Variants in NLGN1 observed in about 807,000 individuals in gnomAD.
NLGN1 encodes neuroligin 1.
NLGN1 carries 12 observed loss-of-function variants against 65.5 expected under a neutral mutation model. The observed-to-expected ratio is 0.18, with a 90% CI of 0.12 to 0.30. The LOEUF (loss-of-function observed/expected upper bound fraction) is 0.30, where lower values mean the gene tolerates loss of function less well. NLGN1 is among the 10% of genes least tolerant of loss of function. The pLI, the probability that NLGN1 is intolerant of heterozygous loss-of-function variation, is 1.00. For missense variants in NLGN1, 750 were observed against 1,007.1 expected (o/e 0.74, Z 3.46); for synonymous variants, 350 against 359.5 (o/e 0.97, Z 0.30).
intron 3 of NLGN1, among the ~76,000 whole-genome samples, chr3:173,774,350 A>G (rs996677490): frequency 2.0e-5 from 3 of 152,184 alleles, no homozygotes; most frequent in African/African-American, 7.2e-5. Flanking sequence ...AAATGCTTCA[A>G]TAGTTGATCT....
intron 4 of NLGN1, among the ~76,000 whole-genome samples, chr3:174,184,653 G>T (rs975468679): frequency 6.6e-6 from 1 of 152,182 alleles, no homozygotes; most frequent in Non-Finnish European, 1.5e-5. Context: ...TGCTCTGAGA[G>T]AAATAGAAGA....
At chr3:174,187,145 A>AT (rs1397762929) in intron 4 of NLGN1, among the ~76,000 whole-genome samples, 1 of 150,612 alleles carries the variant, frequency 6.6e-6, no homozygotes, top group East Asian at 2.0e-4. Context: ...TTATTTATTC[A>AT]TTTTTTGGAA....
At chr3:174,234,980 A>T (rs1741416984) in intron 4 of NLGN1, among the ~76,000 whole-genome samples, 2 of 116,512 alleles carry the variant, frequency 1.7e-5, no homozygotes, top group Non-Finnish European at 3.2e-5. Flanking sequence ...AAATAAAGGA[A>T]TCACCTTTTT....
intron 2 of NLGN1, among the ~76,000 whole-genome samples, chr3:173,588,970 T>A (rs1452693799): frequency 6.6e-6 from 1 of 152,166 alleles, no homozygotes; most frequent in Non-Finnish European, 1.5e-5. Context: ...TAAAGGAAGT[T>A]TAATTAAGAA....
At chr3:173,733,279 T>TCA (rs1773160569) in intron 3 of NLGN1, among the ~76,000 whole-genome samples, 1 of 152,228 alleles carries the variant, frequency 6.6e-6, no homozygotes, top group Admixed American at 6.6e-5. Flanking sequence ...TTGAAAATCT[T>TCA]GCAAAACTTT....
chr3:173,497,361 C>T (rs1553867712), intron 2 of NLGN1, among the ~76,000 whole-genome samples: 1 of 150,978 alleles, frequency 6.6e-6, no homozygotes, highest in African/African-American at 2.4e-5. Context: ...GCACTCCAGC[C>T]TGGGCGACAA....
chr3:173,759,300 A>C (rs748425206), intron 3 of NLGN1, among the ~76,000 whole-genome samples: 1 of 152,012 alleles, frequency 6.6e-6, no homozygotes, highest in Non-Finnish European at 1.5e-5. Context: ...TATTAAATGC[A>C]TTTTTAAATA....
At chr3:173,409,638 T>C (rs183144812) in intron 1 of NLGN1, among the ~76,000 whole-genome samples, 47 of 152,330 alleles carry the variant, frequency 3.1e-4, no homozygotes, top group African/African-American at 1.1e-3. Flanking sequence ...TGGCATCCTT[T>C]CTGTACCTAA....
At chr3:173,561,013 G>A (rs1042288804) in intron 2 of NLGN1, among the ~76,000 whole-genome samples, 5 of 152,028 alleles carry the variant, frequency 3.3e-5, no homozygotes, top group Admixed American at 1.3e-4. Context: ...ATCATACAGC[G>A]GGGTTTGTAT....
chr3:174,269,418 G>C (rs945252699), intron 4 of NLGN1, among the ~76,000 whole-genome samples: 1 of 151,788 alleles, frequency 6.6e-6, no homozygotes, highest in Non-Finnish European at 1.5e-5. Flanking sequence ...TTTCATATGA[G>C]TAGAATCCTA....
intron 2 of NLGN1, among the ~76,000 whole-genome samples, chr3:173,521,709 C>T (rs1222773028): frequency 6.6e-6 from 1 of 152,140 alleles, no homozygotes; most frequent in Admixed American, 6.5e-5. Context: ...GAAAATACTC[C>T]TGTAGCATTT....
At chr3:173,700,608 T>C (rs927988582) in intron 3 of NLGN1, among the ~76,000 whole-genome samples, 3 of 152,258 alleles carry the variant, frequency 2.0e-5, no homozygotes, top group African/African-American at 7.2e-5. Context: ...TTTTCTGCTC[T>C]CTGATGCATC....
At position 173,913,662 on chromosome 3, in the gene NLGN1, C is replaced by A. The variant is rs76785990; in HGVS notation, c.646+105830C>A. Among the ~76,000 whole-genome samples, 1,355 of 152,224 alleles carry A rather than the reference C, an allele frequency of 8.9e-3. 24 individuals carry two copies. The highest frequency in any genetic ancestry group is 0.031 in the African/African-American group (1,291 of 41,534). On this transcript the variant is annotated intron_variant, in intron 4 of 6. Transcript: ENST00000457714. ...TATTATCTACTCTGGCAAGGACAGG[C>A]CACATTTCACTTCATGCAAAAAGTA... is the stretch of plus-strand genomic sequence containing the variant.
intron 4 of NLGN1, among the ~76,000 whole-genome samples, chr3:173,978,324 C>T (rs1269683259): frequency 6.6e-6 from 1 of 151,970 alleles, no homozygotes; most frequent in African/African-American, 2.4e-5. Context: ...GGTGTAACCA[C>T]TAAGATGAAT....
intron 4 of NLGN1, among the ~76,000 whole-genome samples, chr3:173,926,322 T>C (rs934536947): frequency 6.6e-6 from 1 of 152,160 alleles, no homozygotes; most frequent in African/African-American, 2.4e-5. Flanking sequence ...CTATGAAATC[T>C]CAAAAACGTC....
At chr3:174,093,524 G>A (rs917058310) in intron 4 of NLGN1, among the ~76,000 whole-genome samples, 3 of 152,136 alleles carry the variant, frequency 2.0e-5, no homozygotes, top group African/African-American at 7.2e-5. Flanking sequence ...TCTCTCTGAA[G>A]CAAACTGATT....
intron 3 of NLGN1, among the ~76,000 whole-genome samples, chr3:173,806,732 G>A (rs1339605649): frequency 6.6e-6 from 1 of 152,028 alleles, no homozygotes; most frequent in Non-Finnish European, 1.5e-5. Context: ...ATTATGTTAT[G>A]TTTATTTATA....
intron 2 of NLGN1, among the ~76,000 whole-genome samples, chr3:173,600,601 T>TTTTTTTTTTTTTTTTTTTTTTTTG (rs56376347): frequency 1.4e-5 from 2 of 147,106 alleles, no homozygotes; most frequent in East Asian, 2.0e-4. Context: ...TCTTTTTTTT[T>TTTTTTTTTTTTTTTTTTTTTTTTG]AGAAAAAGAT....
intron 4 of NLGN1, among the ~76,000 whole-genome samples, chr3:174,226,208 T>C (rs150772055): frequency 2.1e-4 from 32 of 152,140 alleles, no homozygotes; most frequent in African/African-American, 7.5e-4. Context: ...GAAATAATTA[T>C]GAGTGCCAAA....
Sources: allele counts gnomAD v4.1 joint callset (sites outside exome capture counted in the v4.1 genomes callset), GRCh38; gene constraint gnomAD v4.1.1; transcripts MANE v1.5; gene names NCBI Gene and HGNC (gene_info 2026-07-23, HGNC 2026-07-21).